Variants in PIGR observed in about 807,000 individuals in gnomAD.
PIGR encodes the protein hepatocellular carcinoma associated protein TB6.
In PIGR, 22 loss-of-function variants were observed where a neutral mutation model predicts 69.5. The ratio of observed to expected loss-of-function variants is 0.32; its 90% CI spans 0.23 to 0.45. The LOEUF is 0.45. Ranked by LOEUF, PIGR falls within the 20% of genes least tolerant of loss-of-function variation. The pLI is 1.00. For missense variants in PIGR, 885 were observed against 974.0 expected (o/e 0.91, Z 1.22); for synonymous variants, 413 against 407.6 (o/e 1.01, Z -0.16).
chr1:206,933,200 T>A (rs1679795537), intron 6 of PIGR, 34 bp from the exon 7 acceptor site: 1 of 1,608,114 alleles, frequency 6.2e-7, no homozygotes, highest in Non-Finnish European at 8.5e-7. Flanking sequence ...GGGTTGTGAT[T>A]TTTCTCTATG....
intron 6 of PIGR, among the ~76,000 whole-genome samples, chr1:206,934,178 C>G (rs1266327669): frequency 6.6e-6 from 1 of 152,120 alleles, no homozygotes. Flanking sequence ...TGTCTTAATG[C>G]CGAGGTTAAA....
rs1679841240 is a variant in PIGR at position 206,935,324 on chromosome 1, T to C, written c.1378+162A>G. Among the ~76,000 whole-genome samples, 1 of 152,132 alleles carries C rather than the reference T, an allele frequency of 6.6e-6. No individual in the cohort carries two copies. ...ATGTATGGTAATTCAGAGTGTAAGGTGCGTGTTATAGGCATGAAAATGTGA... is the reference window on the plus strand; with the variant it reads ...ATGTATGGTAATTCAGAGTGTAAGGCGCGTGTTATAGGCATGAAAATGTGA... On this transcript the variant is annotated intron_variant, in intron 5 of 10. Coordinates refer to ENST00000356495, the MANE Select transcript of PIGR (RefSeq NM_002644.4). This position sits in a 1 kb window ranked among gnomAD's most constrained non-coding sequence, Gnocchi z 4.4.
At chr1:206,937,073 C>T (rs776423210) in intron 4 of PIGR, 22 bp downstream of exon 4, 5 of 1,548,026 alleles carry the variant, frequency 3.2e-6, no homozygotes, top group Non-Finnish European at 3.5e-6. Context: ...CACCTACTCC[C>T]CCTCCCTCTC....
At chr1:206,939,756 T>C (rs1236665216) in intron 2 of PIGR, among the ~76,000 whole-genome samples, 1 of 152,252 alleles carries the variant, frequency 6.6e-6, no homozygotes, top group African/African-American at 2.4e-5. Flanking sequence ...AGACAAAGTC[T>C]CTCTCTGTCG....
intron 8 of PIGR, 158 bp from the exon 9 acceptor site, chr1:206,931,960 C>T: frequency 2.6e-6 from 2 of 761,424 alleles, no homozygotes; most frequent in Middle Eastern, 3.9e-4. Flanking sequence ...TGATCCGAGT[C>T]TCCTCCCCAG....
intron 6 of PIGR, 24 bp downstream of exon 6, chr1:206,934,396 C>CA (rs1558012530): frequency 1.3e-6 from 2 of 1,597,796 alleles, no homozygotes; most frequent in Admixed American, 3.4e-5. Flanking sequence ...CTGAGGGGTG[C>CA]AGGCCCTGTC....
chr1:206,934,708 C>G lies in PIGR; in HGVS notation c.1417G>C (p.Val473Leu). 1 of 1,610,886 alleles carries G rather than the reference C, an allele frequency of 6.2e-7. No individual in the cohort carries two copies. The highest frequency in any genetic ancestry group is 8.5e-7 in the Non-Finnish European group (1 of 1,179,984). The part of the protein sequence containing the change: ...NLKVPGNVTA[V>L]LGETLKVPCH... ...GGGACCTTGAGAGTCTCTCCCAGCA[C>G]AGCCGTGACATTCCCTGGTACCTTG... Residue 473 changes from valine (V) to leucine (L), a missense_variant, in exon 6 of 11, where the codon GTG becomes CTG. Coordinates refer to ENST00000356495, the MANE Select transcript of PIGR (RefSeq NM_002644.4).
intron 4 of PIGR, 86 bp downstream of exon 4, chr1:206,937,009 T>C: frequency 8.0e-7 from 1 of 1,248,770 alleles, no homozygotes; most frequent in Non-Finnish European, 1.1e-6. Context: ...TTGATGACTA[T>C]TGATGAATAC....
rs1052499356 is a variant in PIGR, at chr1:206,929,754, A to G, written c.*564T>C. On this transcript the variant is annotated 3_prime_UTR_variant, in exon 11 of 11. Transcript: ENST00000356495. ...GGTGAAAAGTTAAGACTCAGTGAGT[A>G]TAAATACGCCAAGAAGAGCTGTGGC... is the stretch of plus-strand genomic sequence containing the variant. The G allele has an allele frequency of 1.3e-5, 2 of 152,304 alleles. No individual in the cohort carries two copies. The highest frequency in any genetic ancestry group is 1.3e-4 in the Admixed American group (2 of 15,288). The allele number at this position is 152,304 out of a possible 1,614,324, so 9.4% of individuals were successfully genotyped here. A position where few individuals can be genotyped will look rare whatever the true frequency, so the allele number is the denominator to read the frequency against.
Position 206,937,102 on chromosome 1 carries a change from G to T in PIGR, c.1038C>A (p.Val346=). ...GSPIQAWQLF[V]NEESTIPRSP... is the part of the protein sequence containing the mutation. The stretch of plus-strand genomic sequence containing the variant: ...CCCTCTCTAGGGTCTTACCCTCATT[G>T]ACGAAGAGTTGCCAGGCCTGGATAG... The change falls in exon 4 of 11, where the codon GTC becomes GTA. Residue 346 remains valine, a synonymous_variant. Transcript: ENST00000356495. 6.3e-7 allele frequency: 1 copy of T among 1,594,066 alleles called. No homozygotes were observed. The highest frequency in any genetic ancestry group is 8.5e-7 in the Non-Finnish European group (1 of 1,170,072).
chr1:206,930,373 AGG>A lies in PIGR; in HGVS notation c.2238_2239del (p.Leu747AlafsTer29). ...GGCGGCCACGGTGCTGGACTGGAGCAGGAAGTCTTTGTAGGCCATCTCGGCTT... is the reference window on the plus strand; with the variant it reads ...GGCGGCCACGGTGCTGGACTGGAGCAAAGTCTTTGTAGGCCATCTCGGCTT... On this transcript the variant is annotated frameshift_variant, in exon 11 of 11. Coordinates refer to ENST00000356495, the MANE Select transcript of PIGR (RefSeq NM_002644.4). LOFTEE classifies it low-confidence loss of function (END_TRUNC). The surrounding 1 kb of genome is among the most constrained non-coding windows in gnomAD (Gnocchi z 4.3). 1 of 1,613,088 alleles carries A rather than the reference AGG, an allele frequency of 6.2e-7. No individual in the cohort carries two copies. The highest frequency in any genetic ancestry group is 8.5e-7 in the Non-Finnish European group (1 of 1,179,482).
chr1:206,931,530 G>C lies in PIGR; in HGVS notation c.2166C>G (p.Thr722=). ...CCTTCTTGGGTTCTTTGGTCTCTGT[G>C]GTGCTCTCAGTGGTGGCAACAAACT... ...KEEFVATTES[T]TETKEPKKAK... The change falls in exon 10 of 11, where the codon ACC becomes ACG. Residue 722 remains threonine (T), a synonymous_variant. Transcript: ENST00000356495. The C allele has an allele frequency of 6.2e-7, 1 of 1,614,036 alleles. No individual in the cohort carries two copies. Among genetic ancestry groups the C allele is most frequent in the Non-Finnish European group, 8.5e-7 (1 of 1,180,004 alleles).
chr1:206,945,925 A>G (rs1211108336), intron 1 of PIGR, among the ~76,000 whole-genome samples: 2 of 152,202 alleles, frequency 1.3e-5, no homozygotes, highest in African/African-American at 4.8e-5. Context: ...ACCCTGAATG[A>G]TAGGTGTTAT....
At chr1:206,936,951 C>T (rs894951760) in intron 4 of PIGR, 144 bp downstream of exon 4, 25 of 765,948 alleles carry the variant, frequency 3.3e-5, no homozygotes, top group African/African-American at 1.4e-4. Flanking sequence ...CAGCAGCCCA[C>T]GCAGCCTCCA....
In PIGR at chr1:206,940,565, C is replaced by T. The variant is rs918429138; in HGVS notation, c.-34G>A. On this transcript the variant is annotated 5_prime_UTR_variant, in exon 2 of 11. Coordinates refer to ENST00000356495, the MANE Select transcript of PIGR (RefSeq NM_002644.4). Reference sequence around the variant, plus strand: ...GGTCCCGAGCGCCGCACCACTCAGGCCGACTTCTCCTGTGCAATGCTGAAA... The same window carrying T: ...GGTCCCGAGCGCCGCACCACTCAGGTCGACTTCTCCTGTGCAATGCTGAAA... The T allele has an allele frequency of 1.1e-5, 17 of 1,543,848 alleles. No individual in the cohort carries two copies. Among genetic ancestry groups the T allele is most frequent in the African/African-American group, 1.4e-5 (1 of 72,788 alleles).
In PIGR at chr1:206,930,201, G is replaced by GA. The variant is rs1679705586; in HGVS notation, c.*116dup. 2.5e-6 allele frequency: 2 copies of GA among 811,844 alleles called. No homozygotes were observed. The highest frequency in any genetic ancestry group is 2.0e-5 in the South Asian group (1 of 49,388). 50.3% of individuals were successfully genotyped at this position (811,844 alleles called of 1,614,324 possible). A position where few individuals can be genotyped will look rare whatever the true frequency, so the allele number is the denominator to read the frequency against. On this transcript the variant is annotated 3_prime_UTR_variant, in exon 11 of 11. Coordinates refer to ENST00000356495, the MANE Select transcript of PIGR (RefSeq NM_002644.4). The surrounding 1 kb of genome is among the most constrained non-coding windows in gnomAD (Gnocchi z 4.3). ...ACCAGCACGCCTCTGAGGACAGTAG[G>GA]AAAAACCTAGGCAGGTGTTAGAGCA... is the stretch of plus-strand genomic sequence containing the variant.
At chr1:206,944,301 C>T (rs190720736) in intron 1 of PIGR, among the ~76,000 whole-genome samples, 2 of 152,156 alleles carry the variant, frequency 1.3e-5, no homozygotes, top group Non-Finnish European at 2.9e-5. Flanking sequence ...GGTAAAACCC[C>T]ATCTGTACTA....
chr1:206,942,807 C>T (rs755114772), intron 1 of PIGR, among the ~76,000 whole-genome samples: 2 of 152,178 alleles, frequency 1.3e-5, no homozygotes, highest in South Asian at 4.1e-4. Context: ...TGCATGGTCT[C>T]AAGCCAGGGA....
Position 206,931,799 on chromosome 1 carries a change from C to T in PIGR, c.2012G>A (p.Arg671Gln), listed in dbSNP as rs755581398. 6.8e-6 allele frequency: 11 copies of T among 1,613,958 alleles called. No individual in the cohort carries two copies. Among genetic ancestry groups the T allele is most frequent in the Admixed American group, 5.0e-5 (3 of 59,990 alleles). ...TGTCCTGTAGCTTCTGATTGAAACT[C>T]GGTCTGTCCGGGAGGAAGAGGAGTT... ...ARARHRKNVDRVSIRSYRTDI... is the reference protein window; with the variant it reads ...ARARHRKNVDQVSIRSYRTDI... The change falls in exon 9 of 11, where the codon CGA (arginine) becomes CAA (glutamine). Residue 671 changes from arginine (R) to glutamine (Q), a missense_variant. Transcript: ENST00000356495.
Sources: allele counts gnomAD v4.1 joint callset (sites outside exome capture counted in the v4.1 genomes callset), GRCh38; gene constraint gnomAD v4.1.1; non-coding constraint Gnocchi (gnomAD v3.1); transcripts MANE v1.5; gene names NCBI Gene and HGNC (gene_info 2026-07-23, HGNC 2026-07-21).